The following DBNL variants were observed in gnomAD, a reference collection of about 807,000 sequenced individuals.
The protein encoded by DBNL is drebrin-like protein.
Under a neutral mutation model 62.2 loss-of-function variants are expected in DBNL, and 35 were observed. The ratio of observed to expected loss-of-function variants is 0.56; its 90% CI spans 0.43 to 0.75. DBNL has a LOEUF of 0.75. Among genes scored for constraint, DBNL ranks in the 30% least tolerant of loss-of-function variants. The probability of loss-of-function intolerance (pLI) is 0.00; values close to 1 mark genes in which losing one functional copy is unlikely to be tolerated. For synonymous variants in DBNL, 197 were observed against 218.0 expected (o/e 0.90, Z 0.85); for missense variants, 495 against 578.4 (o/e 0.86, Z 1.48).
Position 44,060,799 on chromosome 7 carries a change from T to G in DBNL, c.1176T>G (p.Phe392Leu), listed in dbSNP as rs1468177827. 6.2e-7 allele frequency: 1 copy of G among 1,614,062 alleles called. No individual in the cohort carries two copies. Among genetic ancestry groups the G allele is most frequent in the Non-Finnish European group, 8.5e-7 (1 of 1,179,978 alleles). The change falls in exon 13 of 13, where the codon TTT (phenylalanine) becomes TTG (leucine). Residue 392 changes from phenylalanine (F) to leucine (L), a missense_variant. Physicochemically the swap from Phe to Leu is conservative, Grantham distance 22. Transcript: ENST00000448521. The surrounding 1 kb of genome is among the most constrained non-coding windows in gnomAD (Gnocchi z 6.3). Reference sequence around the variant, plus strand: ...CAGCCGACGACACAGAGATCTCCTTTGACCCCGAGAACCTCATCACGGGCA... The same window carrying G: ...CAGCCGACGACACAGAGATCTCCTTGGACCCCGAGAACCTCATCACGGGCA... ...YQAADDTEIS[F>L]DPENLITGIE...
chr7:44,050,411 G>C, intron 2 of DBNL, 131 bp downstream of exon 2: 1 of 897,408 alleles, frequency 1.1e-6, no homozygotes, highest in Non-Finnish European at 1.8e-6. Context: ...ACTTCTGGCA[G>C]GCCTTAGGTT....
In DBNL at chr7:44,056,857, A is replaced by G; in HGVS notation, c.428A>G (p.His143Arg). 1 of 1,614,152 alleles carries G rather than the reference A, an allele frequency of 6.2e-7. No individual in the cohort carries two copies. The highest frequency in any genetic ancestry group is 8.5e-7 in the Non-Finnish European group (1 of 1,180,038). ...AKASGANYSFHKESGRFQDVG... is the reference protein window; with the variant it reads ...AKASGANYSFRKESGRFQDVG... Reference sequence around the variant, plus strand: ...GCTTCAGGTGCCAACTACAGCTTTCACAAGGAGAGTGGCCGCTTCCAGGAC... The same window carrying G: ...GCTTCAGGTGCCAACTACAGCTTTCGCAAGGAGAGTGGCCGCTTCCAGGAC... The change falls in exon 5 of 13, where the codon CAC (histidine) becomes CGC (arginine). Residue 143 changes from histidine to arginine, a missense_variant. By Grantham distance (29) the His-to-Arg change is conservative. Coordinates refer to ENST00000448521, the MANE Select transcript of DBNL (RefSeq NM_001014436.3).
chr7:44,048,995 C>T (rs1055830143), intron 1 of DBNL, among the ~76,000 whole-genome samples: 4 of 152,116 alleles, frequency 2.6e-5, no homozygotes, highest in Non-Finnish European at 4.4e-5. Flanking sequence ...GTTGGGACTA[C>T]GGGCATATGC....
chr7:44,045,690 T>C (rs1466745209), intron 1 of DBNL, among the ~76,000 whole-genome samples: 1 of 152,230 alleles, frequency 6.6e-6, no homozygotes, highest in African/African-American at 2.4e-5. Context: ...TCCCCTTGTG[T>C]GGGGGCCATC....
At position 44,065,514 on chromosome 7, in the gene DBNL, G is replaced by A; in HGVS notation, c.*4598G>A. ...CTCTCGCCGTGCCGGACCATCACGA[G>A]GCGGTGAGTGGCCATGGTGGCAGCA... On this transcript the variant is annotated 3_prime_UTR_variant, in exon 13 of 13. Transcript: ENST00000448521. 6.2e-7 allele frequency: 1 copy of A among 1,614,008 alleles called. No homozygotes were observed. The highest frequency in any genetic ancestry group is 2.2e-5 in the East Asian group (1 of 44,890).
intron 1 of DBNL, among the ~76,000 whole-genome samples, chr7:44,045,357 CTG>C (rs1239119473): frequency 6.6e-6 from 1 of 152,216 alleles, no homozygotes; most frequent in Non-Finnish European, 1.5e-5. Flanking sequence ...TCTTGGCTGT[CTG>C]TGAACGTGGA....
chr7:44,062,771 G>A lies in DBNL; in HGVS notation c.*1855G>A. The A allele has an allele frequency of 6.2e-7, 1 of 1,614,168 alleles. No homozygotes were observed. Among genetic ancestry groups the A allele is most frequent in the South Asian group, 1.1e-5 (1 of 91,080 alleles). Reference sequence around the variant, plus strand: ...ATTGCCCAAGCCCACCCCTCACTTGGCCTTGCCCTGGGCAGCCACAGCCTC... The same window carrying A: ...ATTGCCCAAGCCCACCCCTCACTTGACCTTGCCCTGGGCAGCCACAGCCTC... On this transcript the variant is annotated 3_prime_UTR_variant, in exon 13 of 13. Coordinates refer to ENST00000448521, the MANE Select transcript of DBNL (RefSeq NM_001014436.3).
chr7:44,046,861 C>T (rs1446651578), intron 1 of DBNL, among the ~76,000 whole-genome samples: 1 of 152,214 alleles, frequency 6.6e-6, no homozygotes, highest in Admixed American at 6.5e-5. Context: ...CCCTGCATGA[C>T]CCAGAACCTA....
At position 44,059,300 on chromosome 7, in the gene DBNL, G is replaced by GT; in HGVS notation, c.836-53dup. 1 of 1,570,372 alleles carries GT rather than the reference G, an allele frequency of 6.4e-7. No individual in the cohort carries two copies. The highest frequency in any genetic ancestry group is 8.7e-7 in the Non-Finnish European group (1 of 1,145,368). ...CAGGGTGGAGGGTGCTGTGGGGTGC[G>GT]TGGGTGTGTGGTGGTGTTTCTGAAG... On this transcript the variant is annotated intron_variant, in intron 9 of 12. Transcript: ENST00000448521. This position sits in a 1 kb window ranked among gnomAD's most constrained non-coding sequence, Gnocchi z 4.1.
In DBNL at chr7:44,059,863, G is replaced by A. The variant is rs1367523353; in HGVS notation, c.1048-185G>A. Among the ~76,000 whole-genome samples the A allele has an allele frequency of 6.6e-6, 1 of 152,220 alleles. No individual in the cohort carries two copies. Among genetic ancestry groups the A allele is most frequent in the African/African-American group, 2.4e-5 (1 of 41,446 alleles). On this transcript the variant is annotated intron_variant, in intron 11 of 12. Coordinates refer to ENST00000448521, the MANE Select transcript of DBNL (RefSeq NM_001014436.3). This position sits in a 1 kb window ranked among gnomAD's most constrained non-coding sequence, Gnocchi z 4.1. ...AGAGGACCTTGCAGCCTATGGCTGA[G>A]GGATTTATGCACTGTCCTGTGGCTT...
rs2096159346 is a variant in DBNL at position 44,066,011 on chromosome 7, G to A, written c.*5095G>A. 7.4e-6 allele frequency: 2 copies of A among 270,432 alleles called. No individual in the cohort carries two copies. Among genetic ancestry groups the A allele is most frequent in the Non-Finnish European group, 1.5e-5 (2 of 136,408 alleles). The allele number at this position is 270,432 out of a possible 1,614,324, so 16.8% of individuals were successfully genotyped here. On this transcript the variant is annotated 3_prime_UTR_variant, in exon 13 of 13. Transcript: ENST00000448521. ...GCTAGGAGGCGGCCCTCAGCAGGCAGAGGAGGAGAGCCAGAGGAGCTGGTG... is the reference window on the plus strand; with the variant it reads ...GCTAGGAGGCGGCCCTCAGCAGGCAAAGGAGGAGAGCCAGAGGAGCTGGTG...
At chr7:44,048,848 GTTTTGT>G (rs902980168) in intron 1 of DBNL, among the ~76,000 whole-genome samples, 3 of 152,152 alleles carry the variant, frequency 2.0e-5, no homozygotes, top group East Asian at 1.9e-4. Flanking sequence ...CTTTACCAGA[GTTTTGT>G]TTTTGTTTTT....
At position 44,061,223 on chromosome 7, in the gene DBNL, G is replaced by T. The variant is rs1244121722; in HGVS notation, c.*307G>T. The T allele has an allele frequency of 2.5e-6, 1 of 401,208 alleles. No homozygotes were observed. The highest frequency in any genetic ancestry group is 4.6e-6 in the Non-Finnish European group (1 of 219,216). The allele number at this position is 401,208 out of a possible 1,614,324, so 24.9% of individuals were successfully genotyped here. A position where few individuals can be genotyped will look rare whatever the true frequency, so the allele number is the denominator to read the frequency against. On this transcript the variant is annotated 3_prime_UTR_variant, in exon 13 of 13. Coordinates refer to ENST00000448521, the MANE Select transcript of DBNL (RefSeq NM_001014436.3). The stretch of plus-strand genomic sequence containing the variant: ...TGAGTGGCCACTGCCAAGCTGCGGG[G>T]AAGGGTCCTGAGCAGGGGCATCTGG...
rs559152367 is a variant in DBNL, at chr7:44,056,080, GT to G, written c.328-668del. Among the ~76,000 whole-genome samples, 12 of 151,616 alleles carry G rather than the reference GT, an allele frequency of 7.9e-5. No homozygotes were observed. In the East Asian group the frequency reaches 1.9e-3, roughly 24 times the overall value. On this transcript the variant is annotated intron_variant, in intron 4 of 12. Coordinates refer to ENST00000448521, the MANE Select transcript of DBNL (RefSeq NM_001014436.3). ...TTTAAGTCTTTTTAACCCATTTTGA[GT>G]TTTTTTTTAATATGGTAAAAGATGA...
In DBNL at chr7:44,061,303, T is replaced by C; in HGVS notation, c.*387T>C. ...GCCTTTTTTCTTTTTCTCTTGCTTC[T>C]AAGGGGTGGTGGCCACCACTGTTTA... On this transcript the variant is annotated 3_prime_UTR_variant, in exon 13 of 13. Transcript: ENST00000448521. 4.6e-6 allele frequency: 1 copy of C among 217,884 alleles called. No homozygotes were observed. The highest frequency in any genetic ancestry group is 9.3e-6 in the Non-Finnish European group (1 of 107,180). 13.5% of individuals were successfully genotyped at this position (217,884 alleles called of 1,614,324 possible). A position where few individuals can be genotyped will look rare whatever the true frequency, so the allele number is the denominator to read the frequency against.
Position 44,061,210 on chromosome 7 carries a change from G to A in DBNL, c.*294G>A. The stretch of plus-strand genomic sequence containing the variant: ...TGTGGCCAAGCCCTGAGTGGCCACT[G>A]CCAAGCTGCGGGGAAGGGTCCTGAG... On this transcript the variant is annotated 3_prime_UTR_variant, in exon 13 of 13. Transcript: ENST00000448521. 1 of 418,420 alleles carries A rather than the reference G, an allele frequency of 2.4e-6. No individual in the cohort carries two copies. Among genetic ancestry groups the A allele is most frequent in the Non-Finnish European group, 4.3e-6 (1 of 230,112 alleles). 25.9% of individuals were successfully genotyped at this position (418,420 alleles called of 1,614,324 possible). A position where few individuals can be genotyped will look rare whatever the true frequency, so the allele number is the denominator to read the frequency against.
At position 44,059,500 on chromosome 7, in the gene DBNL, G is replaced by C. The variant is rs1346593628; in HGVS notation, c.932-43G>C. ...ACCCTGGGGGACAGCAGTGGAGAAG[G>C]GGGATGTGTGGGAGTGAGAACCTGC... On this transcript the variant is annotated intron_variant, in intron 10 of 12. Coordinates refer to ENST00000448521, the MANE Select transcript of DBNL (RefSeq NM_001014436.3). The surrounding 1 kb of genome is among the most constrained non-coding windows in gnomAD (Gnocchi z 4.1). 6.2e-7 allele frequency: 1 copy of C among 1,613,448 alleles called. No homozygotes were observed. The highest frequency in any genetic ancestry group is 1.1e-5 in the South Asian group (1 of 91,044).
intron 5 of DBNL, among the ~76,000 whole-genome samples, chr7:44,057,162 A>G (rs2096137921): frequency 6.6e-6 from 1 of 152,224 alleles, no homozygotes; most frequent in East Asian, 1.9e-4. Flanking sequence ...GAGGCTCTGC[A>G]GCATGCATGG....
rs1585996642 is a variant in DBNL at position 44,060,725 on chromosome 7, T to G, written c.1154-52T>G. 6.3e-7 allele frequency: 1 copy of G among 1,593,796 alleles called. No individual in the cohort carries two copies. ...GGCTGCCGTGGGCTGCCCGAGCAGG[T>G]GGGATGTGGGAGGGAGCCCCTGATA... On this transcript the variant is annotated intron_variant, in intron 12 of 12. Transcript: ENST00000448521. The surrounding 1 kb of genome is among the most constrained non-coding windows in gnomAD (Gnocchi z 6.3).
Sources: gnomAD v4.1 joint callset for allele counts (sites outside exome capture counted in the v4.1 genomes callset) on GRCh38, gnomAD v4.1.1 for gene constraint, Gnocchi (gnomAD v3.1) non-coding constraint, MANE v1.5 for transcripts, NCBI Gene and HGNC (gene_info 2026-07-23, HGNC 2026-07-21) for gene names.